CRPPA: variants seen among roughly 807,000 people sequenced by gnomAD.
CRPPA encodes D-ribitol-5-phosphate cytidylyltransferase.
A neutral mutation model predicts 52.0 loss-of-function variants in CRPPA; 43 were observed. The observed-to-expected ratio is 0.83, with a 90% CI of 0.65 to 1.07. CRPPA has a LOEUF of 1.07. CRPPA is among the 50% of genes least tolerant of loss of function. The pLI, the probability that CRPPA is intolerant of heterozygous loss-of-function variation, is 0.00. For missense variants in CRPPA, 629 were observed against 551.7 expected (o/e 1.14, Z -1.40); for synonymous variants, 250 against 203.5 (o/e 1.23, Z -1.94).
chr7:16,285,442 T>A (rs2128419369), intron 5 of CRPPA, among the ~76,000 whole-genome samples: 1 of 152,280 alleles, frequency 6.6e-6, no homozygotes, highest in East Asian at 1.9e-4. Flanking sequence ...AAAAGGCCAG[T>A]GGCAGATGGC....
At chr7:16,318,845 C>A (rs987618258) in intron 3 of CRPPA, among the ~76,000 whole-genome samples, 1 of 152,136 alleles carries the variant, frequency 6.6e-6, no homozygotes, top group African/African-American at 2.4e-5. Context: ...ACCAGGAGGC[C>A]ACTGCAAGGG....
chr7:16,208,551 G>C (rs1233544964), intron 9 of CRPPA, among the ~76,000 whole-genome samples: 2 of 152,148 alleles, frequency 1.3e-5, no homozygotes, highest in Non-Finnish European at 2.9e-5. Context: ...ATGACACACA[G>C]AAGCTGCCCT....
intron 8 of CRPPA, among the ~76,000 whole-genome samples, chr7:16,223,581 C>G (rs555677454): frequency 3.3e-4 from 50 of 152,258 alleles, no homozygotes; most frequent in Admixed American, 1.0e-3. Flanking sequence ...TACCATGAAA[C>G]TTAAGCATAT....
intron 3 of CRPPA, among the ~76,000 whole-genome samples, chr7:16,325,541 T>G (rs1785364065): frequency 6.6e-6 from 1 of 152,138 alleles, no homozygotes; most frequent in Non-Finnish European, 1.5e-5. Context: ...GGCAATCATC[T>G]CAAAACACTC....
Position 16,159,404 on chromosome 7 carries a change from G to A in CRPPA, c.1251+56662C>T, listed in dbSNP as rs552830731. On this transcript the variant is annotated intron_variant, in intron 9 of 9. Coordinates refer to ENST00000407010, the MANE Select transcript of CRPPA (RefSeq NM_001101426.4). ...TGTGTTCCCCTCCCTGTGCCCATAT[G>A]TTCTCATTGTTCAACTCCCACTTAT... Among the ~76,000 whole-genome samples, 15 of 152,230 alleles carry A rather than the reference G, an allele frequency of 9.9e-5. No individual in the cohort carries two copies. The South Asian group carries it at 2.9e-3, about 29-fold the overall frequency.
At chr7:16,286,097 A>AAAAAAAATATATATATATATATAT in intron 5 of CRPPA, among the ~76,000 whole-genome samples, 1 of 39,128 alleles carries the variant, frequency 2.6e-5, no homozygotes, top group Non-Finnish European at 4.1e-5. Flanking sequence ...TAAAAAAAAA[A>AAAAAAAATATATATATATATATAT]ATATATATAT....
rs1583391072 is a variant in CRPPA at position 16,149,360 on chromosome 7, G to A, written c.1252-57561C>T. 2.0e-5 allele frequency among the ~76,000 whole-genome samples: 3 copies of A among 152,194 alleles called. No individual in the cohort carries two copies. In the South Asian group the frequency reaches 6.2e-4, roughly 32 times the overall value. ...TTTCACTTTATCCTGCCACTGCATG[G>A]AAAGACAGACCAATTCCATGATAAT... On this transcript the variant is annotated intron_variant, in intron 9 of 9. Transcript: ENST00000407010.
intron 6 of CRPPA, among the ~76,000 whole-genome samples, chr7:16,262,763 A>C (rs1008199226): frequency 6.6e-6 from 1 of 152,152 alleles, no homozygotes; most frequent in African/African-American, 2.4e-5. Flanking sequence ...AAAATAAAAG[A>C]ATTATCTTAA....
intron 9 of CRPPA, among the ~76,000 whole-genome samples, chr7:16,195,675 C>A (rs1781715166): frequency 6.6e-6 from 1 of 152,160 alleles, no homozygotes; most frequent in Admixed American, 6.5e-5. Context: ...AAAAAAGCTT[C>A]TTTCCTTTCA....
At chr7:16,267,880 T>C (rs1424891398) in intron 6 of CRPPA, among the ~76,000 whole-genome samples, 1 of 152,158 alleles carries the variant, frequency 6.6e-6, no homozygotes, top group Non-Finnish European at 1.5e-5. Flanking sequence ...TGTAACTATA[T>C]AGCATTTATA....
intron 2 of CRPPA, among the ~76,000 whole-genome samples, chr7:16,404,439 T>G (rs758395774): frequency 6.6e-6 from 1 of 152,162 alleles, no homozygotes; most frequent in African/African-American, 2.4e-5. Flanking sequence ...ACTTAGCATA[T>G]TAATTGGAGC....
At chr7:16,373,549 T>C (rs1786804107) in intron 3 of CRPPA, among the ~76,000 whole-genome samples, 1 of 152,142 alleles carries the variant, frequency 6.6e-6, no homozygotes, top group Non-Finnish European at 1.5e-5. Flanking sequence ...TGACTTCAAG[T>C]AATTATTCAA....
At chr7:16,148,418 T>A (rs1250747531) in intron 9 of CRPPA, among the ~76,000 whole-genome samples, 1 of 152,116 alleles carries the variant, frequency 6.6e-6, no homozygotes, top group Non-Finnish European at 1.5e-5. Context: ...GATAAAAAAA[T>A]GTGGTACATA....
chr7:16,237,147 C>T (rs879686781), intron 8 of CRPPA, among the ~76,000 whole-genome samples: 1 of 152,188 alleles, frequency 6.6e-6, no homozygotes, highest in Non-Finnish European at 1.5e-5. Context: ...TACTTCTTTT[C>T]TCTCATTTAT....
intron 5 of CRPPA, among the ~76,000 whole-genome samples, chr7:16,281,807 T>G (rs1260248641): frequency 1.3e-5 from 2 of 152,208 alleles, no homozygotes; most frequent in Non-Finnish European, 2.9e-5. Context: ...TGTCTCAGGT[T>G]AGTAAGGTGT....
At chr7:16,276,599 A>G (rs1247287350) in intron 6 of CRPPA, 1 of 152,228 alleles carries the variant, frequency 6.6e-6, no homozygotes, top group Non-Finnish European at 1.5e-5. Flanking sequence ...TTTTATTCAC[A>G]TCGAAGAACT....
intron 3 of CRPPA, among the ~76,000 whole-genome samples, chr7:16,337,375 G>GAAAATCAAGA (rs1785710718): frequency 6.6e-6 from 1 of 151,926 alleles, no homozygotes; most frequent in Non-Finnish European, 1.5e-5. Context: ...GGTCACAGAA[G>GAAAATCAAGA]AAAATCAAGA....
rs1378625248 is a variant in CRPPA, at chr7:16,113,626, G to C, written c.1252-21827C>G. On this transcript the variant is annotated intron_variant, in intron 9 of 9. Coordinates refer to ENST00000407010, the MANE Select transcript of CRPPA (RefSeq NM_001101426.4). ...TCTCTCCCAAAAATAATGGTAGCAA[G>C]AACACAAGGACAGTATTTTTAAAGT... is the stretch of plus-strand genomic sequence containing the variant. 2.0e-5 allele frequency among the ~76,000 whole-genome samples: 3 copies of C among 151,862 alleles called. 1 individual carries two copies. The highest frequency in any genetic ancestry group is 6.6e-5 in the Admixed American group (1 of 15,234).
intron 8 of CRPPA, among the ~76,000 whole-genome samples, chr7:16,231,971 G>A (rs926447426): frequency 5.3e-5 from 8 of 152,158 alleles, no homozygotes; most frequent in Non-Finnish European, 1.0e-4. Context: ...TTAATTGAGA[G>A]ATGAAGTTAA....
Sources: gnomAD v4.1 joint callset for allele counts (sites outside exome capture counted in the v4.1 genomes callset) on GRCh38, gnomAD v4.1.1 for gene constraint, MANE v1.5 for transcripts, NCBI Gene and HGNC (gene_info 2026-07-23, HGNC 2026-07-21) for gene names.